The following PCBD2 variants were observed in gnomAD, a reference collection of about 807,000 sequenced individuals.
PCBD2 encodes the protein pterin-4-alpha-carbinolamine dehydratase 2.
Under a neutral mutation model 16.4 loss-of-function variants are expected in PCBD2, and 12 were observed. That is an observed-to-expected ratio of 0.73 (90% CI 0.47 to 1.19). The LOEUF is 1.19. PCBD2 is among the 50% of genes most tolerant of loss of function. The pLI, the probability that PCBD2 is intolerant of heterozygous loss-of-function variation, is 0.00. For missense variants in PCBD2, 138 were observed against 156.8 expected, an observed-to-expected ratio of 0.88 and a Z score of 0.64; for synonymous variants, 58 against 61.8, an observed-to-expected ratio of 0.94 and a Z score of 0.29.
At chr5:134,944,972 T>C (rs1751273854) in intron 2 of PCBD2, among the ~76,000 whole-genome samples, 1 of 152,212 alleles carries the variant, frequency 6.6e-6, no homozygotes, top group African/African-American at 2.4e-5. Context: ...GTATGTTTCA[T>C]CCTATGTAAG....
At chr5:134,955,316 T>G (rs949101006) in intron 2 of PCBD2, among the ~76,000 whole-genome samples, 42 of 150,434 alleles carry the variant, frequency 2.8e-4, no homozygotes, top group African/African-American at 1.0e-3. Flanking sequence ...ATGGTTTTTT[T>G]TTTTTTTTTT....
chr5:134,957,000 C>T (rs1409203744), intron 2 of PCBD2, among the ~76,000 whole-genome samples: 1 of 152,010 alleles, frequency 6.6e-6, no homozygotes, highest in Non-Finnish European at 1.5e-5. Context: ...CATGGTGGCT[C>T]ACGCCTATAT....
intron 1 of PCBD2, chr5:134,905,449 C>G (rs909150306): frequency 2.7e-6 from 1 of 372,174 alleles, no homozygotes; most frequent in Non-Finnish European, 4.8e-6. Flanking sequence ...CTTTACACTT[C>G]CGCCGAAGCC....
At chr5:134,960,200 G>A (rs1319135757) in intron 3 of PCBD2, among the ~76,000 whole-genome samples, 4 of 152,128 alleles carry the variant, frequency 2.6e-5, no homozygotes, top group African/African-American at 9.7e-5. Flanking sequence ...TTGCTGCTAA[G>A]ATATTACATT....
At chr5:134,949,392 G>A (rs986475881) in intron 2 of PCBD2, among the ~76,000 whole-genome samples, 2 of 151,988 alleles carry the variant, frequency 1.3e-5, no homozygotes, top group Non-Finnish European at 2.9e-5. Flanking sequence ...CATTAACTGA[G>A]TTCTTAATAG....
In PCBD2 at chr5:134,913,764, A is replaced by T. The variant is rs1227845444; in HGVS notation, c.216+3298A>T. Among the ~76,000 whole-genome samples the T allele has an allele frequency of 2.0e-5, 3 of 152,054 alleles. No homozygotes were observed. In the East Asian group the frequency reaches 5.8e-4, roughly 29 times the overall value. On this transcript the variant is annotated intron_variant, in intron 2 of 3. Coordinates refer to ENST00000254908, the MANE Select transcript of PCBD2 (RefSeq NM_032151.5). ...GGGTCTTATGGAGGTATCAGTGGGG[A>T]TGGAGAGAAATGTAGGGTTCCACAT...
At chr5:134,937,963 G>T (rs1457990908) in intron 2 of PCBD2, among the ~76,000 whole-genome samples, 1 of 151,982 alleles carries the variant, frequency 6.6e-6, no homozygotes, top group East Asian at 1.9e-4. Context: ...ATTTCATTGG[G>T]CTTGGAAGGA....
chr5:134,910,192 C>A, intron 1 of PCBD2, 143 bp from the exon 2 acceptor site: 1 of 921,148 alleles, frequency 1.1e-6, no homozygotes, highest in East Asian at 2.7e-5. Context: ...GCTTTGGTCT[C>A]TTTAAGAGAA....
chr5:134,921,932 T>C (rs1750908112), intron 2 of PCBD2, among the ~76,000 whole-genome samples: 1 of 152,228 alleles, frequency 6.6e-6, no homozygotes, highest in Admixed American at 6.5e-5. Flanking sequence ...CTTCCAATTA[T>C]ATTTTATAGG....
chr5:134,943,213 C>G (rs1248598245), intron 2 of PCBD2, among the ~76,000 whole-genome samples: 2 of 152,172 alleles, frequency 1.3e-5, no homozygotes, highest in African/African-American at 4.8e-5. Flanking sequence ...TGTTTGTCAT[C>G]AGAAAACCCC....
At chr5:134,917,748 G>T (rs558294045) in intron 2 of PCBD2, among the ~76,000 whole-genome samples, 2 of 152,210 alleles carry the variant, frequency 1.3e-5, no homozygotes, top group Non-Finnish European at 2.9e-5. Context: ...TGGGTGCCCA[G>T]GCTGGGTTGG....
At chr5:134,958,025 GC>G (rs1751434162) in intron 2 of PCBD2, among the ~76,000 whole-genome samples, 1 of 152,174 alleles carries the variant, frequency 6.6e-6, no homozygotes, top group Admixed American at 6.5e-5. Context: ...CAAAAACATG[GC>G]TTGACTAACA....
At chr5:134,942,452 A>G (rs1244610718) in intron 2 of PCBD2, among the ~76,000 whole-genome samples, 1 of 152,100 alleles carries the variant, frequency 6.6e-6, no homozygotes, top group Non-Finnish European at 1.5e-5. Flanking sequence ...AATGCTCATT[A>G]TATTTTCCCC....
intron 2 of PCBD2, among the ~76,000 whole-genome samples, chr5:134,947,874 T>C (rs1365299901): frequency 6.6e-6 from 1 of 150,706 alleles, no homozygotes; most frequent in East Asian, 2.1e-4. Flanking sequence ...AAAACAAAAC[T>C]AACTAAACTT....
intron 2 of PCBD2, among the ~76,000 whole-genome samples, chr5:134,948,691 G>A (rs1054780929): frequency 6.0e-5 from 9 of 149,920 alleles, no homozygotes; most frequent in African/African-American, 2.2e-4. Context: ...AGGCTATTAT[G>A]GCAATTGCCA....
chr5:134,958,310 C>T (rs376227032), intron 2 of PCBD2, among the ~76,000 whole-genome samples: 63 of 152,344 alleles, frequency 4.1e-4, no homozygotes, highest in African/African-American at 1.4e-3. Flanking sequence ...TGTTTCCACT[C>T]CCCGTGTGGT....
chr5:134,917,483 A>G (rs1486806143), intron 2 of PCBD2, among the ~76,000 whole-genome samples: 1 of 152,186 alleles, frequency 6.6e-6, no homozygotes, highest in Non-Finnish European at 1.5e-5. Context: ...ATTCAGGAGG[A>G]AGGGACCAAG....
At chr5:134,927,828 GTAGT>G (rs1751034667) in intron 2 of PCBD2, 1 of 369,702 alleles carries the variant, frequency 2.7e-6, no homozygotes, top group Non-Finnish European at 4.8e-6. Flanking sequence ...CAGGAGTCAG[GTAGT>G]TAGTATTAGG....
In PCBD2 at chr5:134,923,553, C is replaced by T. The variant is rs149668268; in HGVS notation, c.216+13087C>T. 1,493 of 317,896 alleles carry T rather than the reference C, an allele frequency of 4.7e-3. 9 individuals are homozygous for T. Among genetic ancestry groups the T allele is most frequent in the Middle Eastern group, 7.8e-3 (9 of 1,156 alleles). The allele number at this position is 317,896 out of a possible 1,614,324, so 19.7% of individuals were successfully genotyped here. ...GGTGGGACTATCTACTGAGTAGCCT[C>T]CTCAGATTCATTGGACCAGATCTGT... On this transcript the variant is annotated intron_variant, in intron 2 of 3. Coordinates refer to ENST00000254908, the MANE Select transcript of PCBD2 (RefSeq NM_032151.5).
Sources: gnomAD v4.1 joint callset for allele counts (sites outside exome capture counted in the v4.1 genomes callset) on GRCh38, gnomAD v4.1.1 for gene constraint, MANE v1.5 for transcripts, NCBI Gene and HGNC (gene_info 2026-07-23, HGNC 2026-07-21) for gene names.